Variants in RBFOX1 observed in about 807,000 individuals in gnomAD.
RBFOX1 encodes the protein RNA binding fox-1 homolog 1, also known as RNA binding protein fox-1 homolog 1.
Under a neutral mutation model 57.7 loss-of-function variants are expected in RBFOX1, and 8 were observed. The observed-to-expected ratio is 0.14, with a 90% CI of 0.08 to 0.25. RBFOX1 has a LOEUF of 0.25. RBFOX1 is among the 10% of genes least tolerant of loss of function. The pLI, the probability that RBFOX1 is intolerant of heterozygous loss-of-function variation, is 1.00. For missense variants in RBFOX1, 611 were observed against 548.5 expected (o/e 1.11, Z -1.14); for synonymous variants, 326 against 222.4 (o/e 1.47, Z -4.15).
At chr16:5,506,151 A>C (rs78487912) in intron 2 of RBFOX1, among the ~76,000 whole-genome samples, 1 of 152,124 alleles carries the variant, frequency 6.6e-6, no homozygotes, top group African/African-American at 2.4e-5. Flanking sequence ...CTTTGAAATC[A>C]TTAATGTGCC....
intron 3 of RBFOX1, among the ~76,000 whole-genome samples, chr16:6,866,767 C>T (rs542213495): frequency 1.3e-5 from 2 of 152,048 alleles, no homozygotes; most frequent in East Asian, 1.9e-4. Context: ...TGGTCTCGAT[C>T]TCCTGACCTC....
chr16:7,420,106 T>G (rs2149335988), intron 4 of RBFOX1, among the ~76,000 whole-genome samples: 1 of 152,242 alleles, frequency 6.6e-6, no homozygotes, highest in East Asian at 1.9e-4. Flanking sequence ...CTGTTCAGCG[T>G]TTGACAACTC....
chr16:6,800,161 A>C (rs1555481865), intron 3 of RBFOX1, among the ~76,000 whole-genome samples: 1 of 150,838 alleles, frequency 6.6e-6, no homozygotes, highest in Non-Finnish European at 1.5e-5. Flanking sequence ...TTTCTTTGCG[A>C]CATCCAGTTT....
At chr16:7,122,765 C>T (rs1435802493) in intron 4 of RBFOX1, among the ~76,000 whole-genome samples, 3 of 152,124 alleles carry the variant, frequency 2.0e-5, no homozygotes, top group Non-Finnish European at 4.4e-5. Context: ...ATGTACATGT[C>T]TGTGTATAGC....
At chr16:7,202,964 T>G (rs946921589) in intron 4 of RBFOX1, among the ~76,000 whole-genome samples, 1 of 152,116 alleles carries the variant, frequency 6.6e-6, no homozygotes, top group African/African-American at 2.4e-5. Context: ...GTTTTTATAT[T>G]TTTAGTAGAG....
rs576068142 is a variant in RBFOX1, at chr16:6,710,984, C to G, written c.-16+56334C>G. On this transcript the variant is annotated intron_variant, in intron 3 of 15. Coordinates refer to ENST00000550418, the MANE Select transcript of RBFOX1 (RefSeq NM_018723.4). ...AGTGCAATTCCCCAAAGAAGCTCTA[C>G]TGAGCGGAAAAATGGCACATACCCA... Among the ~76,000 whole-genome samples, 13 of 152,292 alleles carry G rather than the reference C, an allele frequency of 8.5e-5. 1 individual carries two copies. The highest frequency in any genetic ancestry group is 3.4e-3 in the Middle Eastern group (1 of 292).
At chr16:7,039,727 G>A (rs58798095) in intron 3 of RBFOX1, among the ~76,000 whole-genome samples, 14,327 of 152,118 alleles carry the variant, frequency 0.094, 1,106 homozygotes, top group East Asian at 0.32. Flanking sequence ...GAAGCAGTGG[G>A]TATGATTACA....
rs193108595 is a variant in RBFOX1, at chr16:7,707,805, C to G, written c.996-1251C>G. On this transcript the variant is annotated intron_variant, in intron 14 of 15. Transcript: ENST00000550418. ...AGGATCAGGTCGCAGATATTCATCT[C>G]AGACGTTGCGTTTTTTTTCCCCTTG... Among the ~76,000 whole-genome samples the G allele has an allele frequency of 3.3e-4, 51 of 152,340 alleles. No homozygotes were observed. In the Middle Eastern group the frequency reaches 0.014, roughly 41 times the overall value.
intron 2 of RBFOX1, among the ~76,000 whole-genome samples, chr16:6,323,231 G>C (rs896890083): frequency 2.0e-5 from 3 of 152,170 alleles, no homozygotes; most frequent in Non-Finnish European, 2.9e-5. Context: ...TTACAAGGAA[G>C]GTGTGTAAAG....
chr16:5,750,649 C>T (rs753360453), intron 3 of RBFOX1, among the ~76,000 whole-genome samples: 1 of 152,182 alleles, frequency 6.6e-6, no homozygotes, highest in Non-Finnish European at 1.5e-5. Flanking sequence ...GCTTTGTGGG[C>T]GTGGGACCCT....
chr16:6,756,152 T>C (rs984701964), intron 3 of RBFOX1, among the ~76,000 whole-genome samples: 5 of 152,162 alleles, frequency 3.3e-5, no homozygotes, highest in Admixed American at 2.6e-4. Context: ...ATTTCAAGCA[T>C]TTAAAAAATA....
At chr16:5,692,582 T>G in intron 3 of RBFOX1, among the ~76,000 whole-genome samples, 1 of 152,174 alleles carries the variant, frequency 6.6e-6, no homozygotes, top group East Asian at 1.9e-4. Context: ...TGTTTTAAGC[T>G]TCTGAGTTTG....
intron 4 of RBFOX1, among the ~76,000 whole-genome samples, chr16:5,933,444 C>G (rs2152251996): frequency 6.6e-6 from 1 of 152,282 alleles, no homozygotes; most frequent in East Asian, 1.9e-4. Context: ...TGATCCTTGG[C>G]CCGTTTTGAG....
At chr16:6,950,600 A>T (rs56079265) in intron 3 of RBFOX1, among the ~76,000 whole-genome samples, 121 of 152,106 alleles carry the variant, frequency 8.0e-4, no homozygotes, top group African/African-American at 2.6e-3. Context: ...AGATAATACA[A>T]TATATATGCA....
At chr16:6,257,657 A>G (rs890283097) in intron 1 of RBFOX1, among the ~76,000 whole-genome samples, 1 of 152,126 alleles carries the variant, frequency 6.6e-6, no homozygotes, top group Admixed American at 6.6e-5. Context: ...TCCCATTTAT[A>G]AGTGAGACCA....
intron 3 of RBFOX1, among the ~76,000 whole-genome samples, chr16:6,959,070 C>G (rs574260265): frequency 6.6e-6 from 1 of 152,098 alleles, no homozygotes; most frequent in South Asian, 2.1e-4. Context: ...TATTATAGTT[C>G]TTAAGTGCAT....
chr16:6,417,403 A>T (rs1056933268), intron 2 of RBFOX1, among the ~76,000 whole-genome samples: 2 of 143,206 alleles, frequency 1.4e-5, no homozygotes, highest in Admixed American at 1.5e-4. Flanking sequence ...TCAAATATAA[A>T]TGTGTTTACT....
chr16:5,672,060 A>G (rs976851339), intron 3 of RBFOX1, among the ~76,000 whole-genome samples: 17 of 152,144 alleles, frequency 1.1e-4, no homozygotes, highest in African/African-American at 2.4e-4. Context: ...AAGGGGTGCA[A>G]CTTTCTTGGA....
intron 4 of RBFOX1, among the ~76,000 whole-genome samples, chr16:7,228,240 T>C (rs1228630861): frequency 6.6e-6 from 1 of 152,156 alleles, no homozygotes; most frequent in Non-Finnish European, 1.5e-5. Flanking sequence ...AATGAATGAA[T>C]GAATGAATGA....
Sources: allele counts gnomAD v4.1 joint callset (sites outside exome capture counted in the v4.1 genomes callset), GRCh38; gene constraint gnomAD v4.1.1; transcripts MANE v1.5; gene names NCBI Gene and HGNC (gene_info 2026-07-23, HGNC 2026-07-21).